The following DAZL variants were observed in gnomAD, a reference collection of about 807,000 sequenced individuals.
The protein encoded by DAZL is deleted in azoospermia like.
A neutral mutation model predicts 45.0 loss-of-function variants in DAZL; 4 were observed. That is an observed-to-expected ratio of 0.09 (90% CI 0.04 to 0.20). The LOEUF (loss-of-function observed/expected upper bound fraction) is 0.20, where lower values mean the gene tolerates loss of function less well. Ranked by LOEUF, DAZL falls within the 10% of genes least tolerant of loss-of-function variation. DAZL has a pLI of 1.00. For missense variants in DAZL, 326 were observed against 351.3 expected (o/e 0.93, Z 0.58); for synonymous variants, 122 against 112.4 (o/e 1.09, Z -0.54).
rs1405292721 is a variant in DAZL, at chr3:16,597,070, C to T, written c.295-19G>A. The T allele has an allele frequency of 6.2e-7, 1 of 1,606,682 alleles. No homozygotes were observed. The highest frequency in any genetic ancestry group is 8.5e-7 in the Non-Finnish European group (1 of 1,175,156). ...TCTGTGACTGAAAATAAAACAGTAA[C>T]AAAACTAGAATCAATTTTCAAGTCT... On this transcript the variant is annotated intron_variant, in intron 4 of 10. Transcript: ENST00000399444.
rs2125042051 is a variant in DAZL, at chr3:16,587,025, T to A, written c.*1635A>T. ...GAAGTAGCTCTTTAGAATATAGATA[T>A]CATTTATAGTAAGCTGGAGATTTAA... On this transcript the variant is annotated 3_prime_UTR_variant, in exon 11 of 11. Coordinates refer to ENST00000399444, the MANE Select transcript of DAZL (RefSeq NM_001351.4). 1 of 152,260 alleles carries A rather than the reference T, an allele frequency of 6.6e-6. No individual in the cohort carries two copies. Among genetic ancestry groups the A allele is most frequent in the South Asian group, 2.1e-4 (1 of 4,828 alleles). 9.4% of individuals were successfully genotyped at this position (152,260 alleles called of 1,614,324 possible). A position where few individuals can be genotyped will look rare whatever the true frequency, so the allele number is the denominator to read the frequency against.
rs766763008 is a variant in DAZL at position 16,597,475 on chromosome 3, TATTAG to T, written c.294+10_294+14del. 8.3e-6 allele frequency: 12 copies of T among 1,446,288 alleles called. No homozygotes were observed. The highest frequency in any genetic ancestry group is 1.2e-5 in the Non-Finnish European group (12 of 1,027,484). 89.6% of individuals were successfully genotyped at this position (1,446,288 alleles called of 1,614,324 possible). On this transcript the variant is annotated intron_variant, in intron 4 of 10. Transcript: ENST00000399444. ...ATCAATTAAACAAATGAGATTTTTC[TATTAG>T]ATTACTTACTTCTACTATCTTCTGC...
chr3:16,604,481 C>T (rs1055475983), intron 1 of DAZL: 20 of 1,527,078 alleles, frequency 1.3e-5, no homozygotes, highest in African/African-American at 2.8e-5. Flanking sequence ...TTTCTGTCGC[C>T]GCCACACGAG....
intron 1 of DAZL, chr3:16,604,561 C>A: frequency 7.0e-7 from 1 of 1,437,354 alleles, no homozygotes; most frequent in African/African-American, 1.5e-5. Flanking sequence ...CGGCCCAGCC[C>A]CCTCAGCTAC....
In DAZL at chr3:16,605,309, C is replaced by G. The variant is rs563459082; in HGVS notation, c.-104G>C. The G allele has an allele frequency of 1.4e-6, 2 of 1,426,196 alleles. No individual in the cohort carries two copies. The highest frequency in any genetic ancestry group is 4.5e-5 in the East Asian group (2 of 43,980). The allele number at this position is 1,426,196 out of a possible 1,614,324, so 88.3% of individuals were successfully genotyped here. On this transcript the variant is annotated 5_prime_UTR_variant, in exon 1 of 11. Transcript: ENST00000399444. ...GTGAGGTCCGCTGGAACCCGCTGCG[C>G]GGCTTCGAGTGGTCAAAGGAGCCAA... is the stretch of plus-strand genomic sequence containing the variant.
At position 16,605,413 on chromosome 3, in the gene DAZL, G is replaced by C. The variant is rs1326995806; in HGVS notation, c.-208C>G. On this transcript the variant is annotated 5_prime_UTR_variant, in exon 1 of 11. Coordinates refer to ENST00000399444, the MANE Select transcript of DAZL (RefSeq NM_001351.4). ...AAGGCGGACCGTCAGGCTGAGGAGC[G>C]CAGGCGGACTGAGGCGTGGTCCGCG... 1 of 655,882 alleles carries C rather than the reference G, an allele frequency of 1.5e-6. No homozygotes were observed. The highest frequency in any genetic ancestry group is 2.7e-5 in the East Asian group (1 of 36,654). 40.6% of individuals were successfully genotyped at this position (655,882 alleles called of 1,614,324 possible). A position where few individuals can be genotyped will look rare whatever the true frequency, so the allele number is the denominator to read the frequency against.
At chr3:16,602,723 T>C (rs1234622290) in intron 1 of DAZL, among the ~76,000 whole-genome samples, 1 of 152,192 alleles carries the variant, frequency 6.6e-6, no homozygotes, top group Non-Finnish European at 1.5e-5. Context: ...TTTGACAAAA[T>C]ACAGCATTCA....
At chr3:16,600,898 G>A (rs1694680105) in intron 1 of DAZL, among the ~76,000 whole-genome samples, 1 of 152,110 alleles carries the variant, frequency 6.6e-6, no homozygotes, top group Admixed American at 6.5e-5. Context: ...TGAGCCCTGG[G>A]GGCATTTAAC....
intron 1 of DAZL, among the ~76,000 whole-genome samples, chr3:16,602,257 A>T (rs1694702104): frequency 6.6e-6 from 1 of 152,220 alleles, no homozygotes; most frequent in Non-Finnish European, 1.5e-5. Flanking sequence ...CTATGCATAA[A>T]CTCTATAGAA....
At chr3:16,593,415 C>T (rs1165801628) in intron 9 of DAZL, among the ~76,000 whole-genome samples, 1 of 152,160 alleles carries the variant, frequency 6.6e-6, no homozygotes, top group Non-Finnish European at 1.5e-5. Context: ...TCAAGCAATC[C>T]ACCCATCTCA....
In DAZL at chr3:16,599,035, G is replaced by A. The variant is rs1694644024; in HGVS notation, c.4-437C>T. 2.0e-5 allele frequency among the ~76,000 whole-genome samples: 3 copies of A among 152,132 alleles called. No homozygotes were observed. The South Asian group carries it at 6.2e-4, about 32-fold the overall frequency. ...CGACCTCAGGTGATCCACCCGCCTT[G>A]GCCTCCCAAAGTGCTGGGATTACAG... is the stretch of plus-strand genomic sequence containing the variant. On this transcript the variant is annotated intron_variant, in intron 1 of 10. Transcript: ENST00000399444.
chr3:16,600,119 TTGG>T (rs1156370311), intron 1 of DAZL, among the ~76,000 whole-genome samples: 4 of 152,188 alleles, frequency 2.6e-5, no homozygotes, highest in South Asian at 2.1e-4. Context: ...TTAAAAATCA[TTGG>T]TGAAGTGCCT....
intron 7 of DAZL, among the ~76,000 whole-genome samples, chr3:16,594,936 A>C (rs1393650083): frequency 6.6e-6 from 1 of 152,120 alleles, no homozygotes; most frequent in Non-Finnish European, 1.5e-5. Flanking sequence ...CTAAAATAAA[A>C]ATACAATTTG....
chr3:16,605,082 GCA>G, intron 1 of DAZL, 119 bp downstream of exon 1: 4 of 1,282,602 alleles, frequency 3.1e-6, no homozygotes. Context: ...GTGCGTCCAG[GCA>G]GGTGCCCCCC....
intron 8 of DAZL, 144 bp downstream of exon 8, chr3:16,594,389 A>G (rs1163490077): frequency 1.5e-6 from 1 of 647,502 alleles, no homozygotes; most frequent in East Asian, 3.0e-5. Context: ...GTTAAAAAGA[A>G]AGTAACAAAA....
At chr3:16,589,073 T>C (rs115140390) in intron 10 of DAZL, among the ~76,000 whole-genome samples, 2,458 of 152,208 alleles carry the variant, frequency 0.016, 72 homozygotes, top group African/African-American at 0.057. Flanking sequence ...AAATACTGTT[T>C]TCACTGACTG....
In DAZL at chr3:16,596,993, T is replaced by C. The variant is rs1244924577; in HGVS notation, c.353A>G (p.Asn118Ser). Residue 118 changes from asparagine to serine, a missense_variant, in exon 5 of 11, where the codon AAT (asparagine) becomes AGT (serine). Physicochemically the swap from Asn to Ser is conservative, Grantham distance 46 (BLOSUM62 1). Coordinates refer to ENST00000399444, the MANE Select transcript of DAZL (RefSeq NM_001351.4). Reference protein sequence around the residue: ...LKLGPAIRKQNLCAYHVQPRP... With the variant: ...LKLGPAIRKQSLCAYHVQPRP... ...CAATTTCTTTTTGTACTCACATAAATTTTGTTTCCTGATTGCAGGGCCCAG... is the reference window on the plus strand; with the variant it reads ...CAATTTCTTTTTGTACTCACATAAACTTTGTTTCCTGATTGCAGGGCCCAG... 2.5e-6 allele frequency: 4 copies of C among 1,612,730 alleles called. No individual in the cohort carries two copies. Among genetic ancestry groups the C allele is most frequent in the Non-Finnish European group, 3.4e-6 (4 of 1,179,578 alleles).
chr3:16,597,091 A>G, intron 4 of DAZL, 40 bp from the exon 5 acceptor site: 1 of 1,582,452 alleles, frequency 6.3e-7, no homozygotes, highest in Non-Finnish European at 8.7e-7. Flanking sequence ...TCAATTTTCA[A>G]GTCTTTACTT....
chr3:16,593,637 AC>A lies in DAZL; in HGVS notation c.735+17del, dbSNP rs1315401047. 1.4e-6 allele frequency: 2 copies of A among 1,463,790 alleles called. No individual in the cohort carries two copies. The highest frequency in any genetic ancestry group is 1.9e-6 in the Non-Finnish European group (2 of 1,049,300). The allele number at this position is 1,463,790 out of a possible 1,614,324, so 90.7% of individuals were successfully genotyped here. Reference sequence around the variant, plus strand: ...AAAAATAAATATGAAATATATATAAACAAAATTAGATGTTTGCCTTTTGTGG... The same window carrying A: ...AAAAATAAATATGAAATATATATAAAAAAATTAGATGTTTGCCTTTTGTGG... On this transcript the variant is annotated intron_variant, in intron 9 of 10. Coordinates refer to ENST00000399444, the MANE Select transcript of DAZL (RefSeq NM_001351.4).
Sources: gnomAD v4.1 joint callset for allele counts (sites outside exome capture counted in the v4.1 genomes callset) on GRCh38, gnomAD v4.1.1 for gene constraint, MANE v1.5 for transcripts, NCBI Gene and HGNC (gene_info 2026-07-23, HGNC 2026-07-21) for gene names.